LAMA4: variants seen among roughly 807,000 people sequenced by gnomAD.
LAMA4 encodes the protein laminin subunit alpha-4.
Under a neutral mutation model 207.1 loss-of-function variants are expected in LAMA4, and 127 were observed. The observed-to-expected ratio is 0.61, with a 90% CI of 0.53 to 0.71. The LOEUF (loss-of-function observed/expected upper bound fraction) is 0.71, where lower values mean the gene tolerates loss of function less well. Among genes scored for constraint, LAMA4 ranks in the 30% least tolerant of loss-of-function variants. The pLI, the probability that LAMA4 is intolerant of heterozygous loss-of-function variation, is 0.00. For synonymous variants in LAMA4, 761 were observed against 816.0 expected, an observed-to-expected ratio of 0.93 and a Z score of 1.15; for missense variants, 2,093 against 2,246.5, an observed-to-expected ratio of 0.93 and a Z score of 1.38.
chr6:112,248,982 T>C (rs1787216108), intron 2 of LAMA4, among the ~76,000 whole-genome samples: 1 of 152,228 alleles, frequency 6.6e-6, no homozygotes, highest in South Asian at 2.1e-4. Context: ...TGGGACATAG[T>C]AGAAGTCAAC....
chr6:112,229,593 C>T (rs999792843), intron 2 of LAMA4, among the ~76,000 whole-genome samples: 14 of 152,138 alleles, frequency 9.2e-5, no homozygotes, highest in African/African-American at 2.4e-4. Flanking sequence ...AGGTAGGAAA[C>T]GGCATGGACA....
At chr6:112,170,367 C>T (rs117356863) in intron 12 of LAMA4, among the ~76,000 whole-genome samples, 10 of 152,264 alleles carry the variant, frequency 6.6e-5, no homozygotes, top group East Asian at 3.9e-4. Flanking sequence ...GCTTGCAGTA[C>T]GGAACATAGT....
intron 2 of LAMA4, among the ~76,000 whole-genome samples, chr6:112,227,162 T>C (rs1785266997): frequency 3.3e-5 from 5 of 151,812 alleles, no homozygotes. Flanking sequence ...ACCTCTGCCT[T>C]CCAGATTCAA....
intron 36 of LAMA4, 146 bp from the exon 37 acceptor site, chr6:112,114,902 G>C (rs1583627551): frequency 1.4e-6 from 1 of 689,930 alleles, no homozygotes. Context: ...AGGGTCTTTG[G>C]CAGCCTATAG....
intron 2 of LAMA4, among the ~76,000 whole-genome samples, chr6:112,237,820 C>T (rs1786046623): frequency 6.6e-6 from 1 of 152,222 alleles, no homozygotes. Flanking sequence ...AAATCCAGGC[C>T]TCCTTAGGCC....
intron 10 of LAMA4, among the ~76,000 whole-genome samples, chr6:112,176,589 C>T (rs575461386): frequency 2.0e-5 from 3 of 152,272 alleles, no homozygotes; most frequent in African/African-American, 7.2e-5. Context: ...ATTAAACATC[C>T]ACTCCTCAAG....
Position 112,131,030 on chromosome 6 carries a change from T to C in LAMA4, c.3906A>G (p.Ser1302=). 6.2e-7 allele frequency: 1 copy of C among 1,613,018 alleles called. No homozygotes were observed. Among genetic ancestry groups the C allele is most frequent in the Non-Finnish European group, 8.5e-7 (1 of 1,179,142 alleles). Residue 1302 remains serine (S), a synonymous_variant, in exon 29 of 39, where the codon TCA becomes TCG. Coordinates refer to ENST00000230538, the MANE Select transcript of LAMA4 (RefSeq NM_001105206.3). ...IMDVKGIKVQ[S]VDKQYNDGLS... is the part of the protein sequence containing the mutation. Reference sequence around the variant, plus strand: ...GCCCATCATTGTACTGCTTATCTACTGACTGAACTTTGATTCCCTTTACAT... The same window carrying C: ...GCCCATCATTGTACTGCTTATCTACCGACTGAACTTTGATTCCCTTTACAT...
In LAMA4 at chr6:112,201,697, G is replaced by T; in HGVS notation, c.423-9C>A. The T allele has an allele frequency of 6.2e-7, 1 of 1,611,780 alleles. No individual in the cohort carries two copies. Among genetic ancestry groups the T allele is most frequent in the East Asian group, 2.2e-5 (1 of 44,872 alleles). Reference sequence around the variant, plus strand: ...AGCAGGATTCTGCAAAACTAAAATTGGAAGCAAATATTGGAAGTCAATTCC... The same window carrying T: ...AGCAGGATTCTGCAAAACTAAAATTTGAAGCAAATATTGGAAGTCAATTCC... On this transcript the variant is annotated splice_polypyrimidine_tract_variant and intron_variant, in intron 4 of 38. Coordinates refer to ENST00000230538, the MANE Select transcript of LAMA4 (RefSeq NM_001105206.3).
intron 15 of LAMA4, 190 bp downstream of exon 15, chr6:112,155,375 A>G (rs1554336678): frequency 1.6e-6 from 1 of 641,716 alleles, no homozygotes; most frequent in South Asian, 1.9e-5. Context: ...TGACTGGACT[A>G]CAGCACATCT....
intron 5 of LAMA4, chr6:112,196,512 T>C (rs1199761271): frequency 6.6e-6 from 1 of 152,208 alleles, no homozygotes; most frequent in Non-Finnish European, 1.5e-5. Context: ...TCTGGGTTGT[T>C]CCAATTTTAG....
chr6:112,130,213 C>A, intron 29 of LAMA4, 173 bp from the exon 30 acceptor site: 1 of 610,114 alleles, frequency 1.6e-6, no homozygotes, highest in East Asian at 2.8e-5. Context: ...TTGGATATTT[C>A]TATATGCAAA....
At chr6:112,172,312 A>G (rs557113943) in intron 12 of LAMA4, 6 of 347,026 alleles carry the variant, frequency 1.7e-5, no homozygotes, top group South Asian at 1.7e-4. Context: ...TGCTCTCAGT[A>G]TAAAAAAAGC....
chr6:112,210,073 G>GC lies in LAMA4; in HGVS notation c.298-2929dup, dbSNP rs1462797548. Among the ~76,000 whole-genome samples, 3 of 152,022 alleles carry GC rather than the reference G, an allele frequency of 2.0e-5. No individual in the cohort carries two copies. The East Asian group carries it at 5.8e-4, about 29-fold the overall frequency. On this transcript the variant is annotated intron_variant, in intron 3 of 38. Coordinates refer to ENST00000230538, the MANE Select transcript of LAMA4 (RefSeq NM_001105206.3). The stretch of plus-strand genomic sequence containing the variant: ...CTGCAGGCCATGTGAAGATGTGCCT[G>GC]CTTCCCCTTTGTCTTCCATCATGAT...
chr6:112,198,694 G>A (rs1408854207), intron 5 of LAMA4, among the ~76,000 whole-genome samples: 1 of 152,158 alleles, frequency 6.6e-6, no homozygotes, highest in African/African-American at 2.4e-5. Context: ...ATTTAGCTCA[G>A]AGCTGTAATT....
chr6:112,221,675 C>T (rs1382711172), intron 2 of LAMA4, among the ~76,000 whole-genome samples: 1 of 151,374 alleles, frequency 6.6e-6, no homozygotes, highest in African/African-American at 2.5e-5. Context: ...TAATAAAAGT[C>T]AGCTTAAGAT....
intron 10 of LAMA4, among the ~76,000 whole-genome samples, chr6:112,177,193 G>A (rs1554344049): frequency 6.6e-6 from 1 of 152,180 alleles, no homozygotes; most frequent in Non-Finnish European, 1.5e-5. Flanking sequence ...TGTTTGGATT[G>A]CATGTCATTT....
rs1052978234 is a variant in LAMA4 at position 112,254,505 on chromosome 6, C to G, written c.-188G>C. The stretch of plus-strand genomic sequence containing the variant: ...CGGATTGGGGTGAGCCCCGCCAGCG[C>G]TAGGCCACCTCCTCTCCCTGGCCGT... On this transcript the variant is annotated 5_prime_UTR_variant, in exon 1 of 39. Coordinates refer to ENST00000230538, the MANE Select transcript of LAMA4 (RefSeq NM_001105206.3). The G allele has an allele frequency of 5.4e-6, 2 of 373,396 alleles. No homozygotes were observed. The highest frequency in any genetic ancestry group is 5.1e-6 in the Non-Finnish European group (1 of 196,094). The allele number at this position is 373,396 out of a possible 1,614,324, so 23.1% of individuals were successfully genotyped here.
At chr6:112,155,210 C>A in intron 15 of LAMA4, 1 of 577,748 alleles carries the variant, frequency 1.7e-6, no homozygotes, top group Non-Finnish European at 3.1e-6. Context: ...GTGCTTGCCA[C>A]ATAGAAGCCA....
At chr6:112,143,175 A>G (rs2114712697) in intron 19 of LAMA4, among the ~76,000 whole-genome samples, 1 of 152,198 alleles carries the variant, frequency 6.6e-6, no homozygotes, top group Non-Finnish European at 1.5e-5. Context: ...CTTTATATTA[A>G]TTTATTAATA....
Sources: allele counts gnomAD v4.1 joint callset (sites outside exome capture counted in the v4.1 genomes callset), GRCh38; gene constraint gnomAD v4.1.1; transcripts MANE v1.5; gene names NCBI Gene and HGNC (gene_info 2026-07-23, HGNC 2026-07-21).